Variants in MACROD2 observed in about 807,000 individuals in gnomAD.
The protein encoded by MACROD2 is mono-ADP ribosylhydrolase 2, also known as ADP-ribose glycohydrolase MACROD2.
Under a neutral mutation model 70.4 loss-of-function variants are expected in MACROD2, and 36 were observed. The ratio of observed to expected loss-of-function variants is 0.51; its 90% CI spans 0.39 to 0.68. The LOEUF (loss-of-function observed/expected upper bound fraction) is 0.68, where lower values mean the gene tolerates loss of function less well. Ranked by LOEUF, MACROD2 falls within the 30% of genes least tolerant of loss-of-function variation. The probability of loss-of-function intolerance (pLI) is 0.00; values close to 1 mark genes in which losing one functional copy is unlikely to be tolerated. For synonymous variants in MACROD2, 172 were observed against 178.8 expected (o/e 0.96, Z 0.30); for missense variants, 496 against 538.4 (o/e 0.92, Z 0.78).
At chr20:14,867,600 C>T (rs1203132148) in intron 5 of MACROD2, among the ~76,000 whole-genome samples, 4 of 152,242 alleles carry the variant, frequency 2.6e-5, no homozygotes, top group Admixed American at 6.5e-5. Context: ...CTATCTACAT[C>T]TGCCATGTTG....
intron 15 of MACROD2, among the ~76,000 whole-genome samples, chr20:16,003,588 T>G (rs1329456508): frequency 6.6e-6 from 1 of 152,220 alleles, no homozygotes; most frequent in Non-Finnish European, 1.5e-5. Flanking sequence ...TGAAATCACC[T>G]GAAGCCTTTG....
intron 7 of MACROD2, among the ~76,000 whole-genome samples, chr20:15,452,472 T>A (rs973082232): frequency 6.6e-6 from 1 of 152,188 alleles, no homozygotes; most frequent in Non-Finnish European, 1.5e-5. Context: ...TGGTCTTTTT[T>A]AAAAGACAAA....
At chr20:15,234,523 A>G (rs1364612202) in intron 6 of MACROD2, among the ~76,000 whole-genome samples, 1 of 152,130 alleles carries the variant, frequency 6.6e-6, no homozygotes, top group African/African-American at 2.4e-5. Flanking sequence ...TATAGCTGTC[A>G]AAAAAGAAAA....
chr20:13,995,956 TACACACGCGC>T lies in MACROD2; in HGVS notation c.46+152_46+161del. ...GCCGCCTCCCTCCGGTGTCCGTGTG[TACACACGCGC>T]ACACTCGCGCGCACTCCGGCGTGCA... On this transcript the variant is annotated intron_variant, in intron 1 of 17. Coordinates refer to ENST00000684519, the MANE Select transcript of MACROD2 (RefSeq NM_001351661.2). The surrounding 1 kb of genome is among the most constrained non-coding windows in gnomAD (Gnocchi z 4.3). The T allele has an allele frequency of 2.2e-6, 2 of 920,270 alleles. No homozygotes were observed. The highest frequency in any genetic ancestry group is 3.3e-6 in the Non-Finnish European group (2 of 602,710). 57.0% of individuals were successfully genotyped at this position (920,270 alleles called of 1,614,324 possible). A position where few individuals can be genotyped will look rare whatever the true frequency, so the allele number is the denominator to read the frequency against.
intron 6 of MACROD2, among the ~76,000 whole-genome samples, chr20:15,275,306 G>A (rs1024125605): frequency 2.0e-5 from 3 of 152,132 alleles, no homozygotes; most frequent in African/African-American, 4.8e-5. Context: ...AAATTCTGAG[G>A]TACAACATGC....
At chr20:14,595,212 G>C (rs1982043248) in intron 4 of MACROD2, among the ~76,000 whole-genome samples, 1 of 152,074 alleles carries the variant, frequency 6.6e-6, no homozygotes, top group Non-Finnish European at 1.5e-5. Flanking sequence ...AAAAGCCCGG[G>C]GGTCCTTGTC....
intron 3 of MACROD2, among the ~76,000 whole-genome samples, chr20:14,109,670 C>A (rs2054421549): frequency 6.6e-6 from 1 of 151,776 alleles, no homozygotes. Flanking sequence ...TATTCATAGA[C>A]ACATACAACC....
intron 10 of MACROD2, among the ~76,000 whole-genome samples, chr20:15,914,769 C>G (rs1282734317): frequency 1.3e-5 from 2 of 152,120 alleles, no homozygotes; most frequent in African/African-American, 2.4e-5. Context: ...CACAAGACTC[C>G]CCCCACTTCA....
chr20:15,970,730 C>T (rs1301119707), intron 13 of MACROD2, among the ~76,000 whole-genome samples: 1 of 152,152 alleles, frequency 6.6e-6, no homozygotes, highest in Non-Finnish European at 1.5e-5. Context: ...ACAGAAGGAA[C>T]TCCTCAGTCT....
chr20:15,185,112 G>A (rs76585093), intron 5 of MACROD2, among the ~76,000 whole-genome samples: 13,928 of 152,180 alleles, frequency 0.092, 817 homozygotes, highest in Non-Finnish European at 0.14. Context: ...GGATCCTTAA[G>A]TACATAGATC....
chr20:15,176,743 C>A (rs139859317), intron 5 of MACROD2, among the ~76,000 whole-genome samples: 1 of 152,154 alleles, frequency 6.6e-6, no homozygotes, highest in Non-Finnish European at 1.5e-5. Flanking sequence ...CCAAGCAGAA[C>A]TGTAACAAAC....
chr20:15,411,194 G>A (rs1385643328), intron 6 of MACROD2, among the ~76,000 whole-genome samples: 1 of 133,534 alleles, frequency 7.5e-6, no homozygotes, highest in Non-Finnish European at 1.7e-5. Flanking sequence ...CTGAGAGAGA[G>A]AGAAAGAGAT....
At chr20:15,683,643 ATCT>A (rs1320601455) in intron 8 of MACROD2, among the ~76,000 whole-genome samples, 1 of 152,054 alleles carries the variant, frequency 6.6e-6, no homozygotes, top group African/African-American at 2.4e-5. Context: ...TAGTGGCACA[ATCT>A]CTGCTCACTG....
intron 8 of MACROD2, among the ~76,000 whole-genome samples, chr20:15,634,864 G>A (rs2049341121): frequency 1.3e-5 from 2 of 152,234 alleles, no homozygotes; most frequent in African/African-American, 4.8e-5. Context: ...GCACTTGAAT[G>A]AGATTTGAAT....
chr20:15,051,475 C>T (rs1476713913), intron 5 of MACROD2, among the ~76,000 whole-genome samples: 4 of 151,444 alleles, frequency 2.6e-5, no homozygotes, highest in South Asian at 4.2e-4. Flanking sequence ...GGCAGGACAG[C>T]GGGAAACACC....
chr20:15,463,135 T>C lies in MACROD2; in HGVS notation c.571+31700T>C, dbSNP rs75770466. Among the ~76,000 whole-genome samples the C allele has an allele frequency of 5.3e-3, 811 of 152,278 alleles. 7 individuals are homozygous for C. The highest frequency in any genetic ancestry group is 0.018 in the African/African-American group (758 of 41,552). ...ACTAACCCAGTGTTCCCCTGGGAGA[T>C]CATGGTTAATGAGTTGGGAAGCTTT... On this transcript the variant is annotated intron_variant, in intron 7 of 17. Transcript: ENST00000684519.
chr20:14,407,285 T>A (rs1195927211), intron 3 of MACROD2, among the ~76,000 whole-genome samples: 1 of 152,102 alleles, frequency 6.6e-6, no homozygotes, highest in East Asian at 1.9e-4. Flanking sequence ...GCAGGTATAA[T>A]CTTTCCTTTC....
intron 5 of MACROD2, among the ~76,000 whole-genome samples, chr20:15,011,055 T>C (rs11905898): frequency 0.067 from 10,179 of 152,278 alleles, 649 homozygotes; most frequent in African/African-American, 0.16. Context: ...AGTTGTTCCT[T>C]GTGTGGCAGA....
chr20:14,246,831 C>G (rs1032224167), intron 3 of MACROD2, among the ~76,000 whole-genome samples: 4 of 152,136 alleles, frequency 2.6e-5, no homozygotes, highest in African/African-American at 9.7e-5. Context: ...AGGTGAAGCT[C>G]CATTTGCCGC....
Sources: allele counts gnomAD v4.1 joint callset (sites outside exome capture counted in the v4.1 genomes callset), GRCh38; gene constraint gnomAD v4.1.1; non-coding constraint Gnocchi (gnomAD v3.1); transcripts MANE v1.5; gene names NCBI Gene and HGNC (gene_info 2026-07-23, HGNC 2026-07-21).